The following SLC23A2 variants were observed in gnomAD, a reference collection of about 807,000 sequenced individuals.
SLC23A2 encodes solute carrier family 23 member 2.
In SLC23A2, 36 loss-of-function variants were observed where a neutral mutation model predicts 73.3. The ratio of observed to expected loss-of-function variants is 0.49; its 90% confidence interval spans 0.38 to 0.65. SLC23A2 has a LOEUF of 0.65. Ranked by LOEUF, SLC23A2 falls within the 30% of genes least tolerant of loss-of-function variation. SLC23A2 has a pLI of 0.00. For missense variants in SLC23A2, 507 were observed against 841.6 expected, an observed-to-expected ratio of 0.60 and a Z score of 4.92; for synonymous variants, 343 against 327.3, an observed-to-expected ratio of 1.05 and a Z score of -0.52.
chr20:5,008,789 ACTCCTGGG>A (rs1418465247), intron 1 of SLC23A2, among the ~76,000 whole-genome samples: 1 of 151,556 alleles, frequency 6.6e-6, no homozygotes, highest in African/African-American at 2.4e-5. Flanking sequence ...CTGGTCTCGA[ACTCCTGGG>A]CTCAAGTGAC....
chr20:4,865,973 T>C (rs6038002), intron 13 of SLC23A2, among the ~76,000 whole-genome samples: 75,754 of 151,848 alleles, frequency 0.5, 22,586 homozygotes, highest in African/African-American at 0.84. Flanking sequence ...GCTGGGACTA[T>C]GGGCACCAGC....
intron 3 of SLC23A2, among the ~76,000 whole-genome samples, chr20:4,919,999 G>A (rs1485823749): frequency 2.0e-5 from 3 of 152,172 alleles, no homozygotes; most frequent in African/African-American, 7.2e-5. Flanking sequence ...GGTGGCTCAC[G>A]CCTGTAATCC....
chr20:4,957,620 G>A (rs1310113638), intron 2 of SLC23A2, among the ~76,000 whole-genome samples: 1 of 151,106 alleles, frequency 6.6e-6, no homozygotes, highest in Non-Finnish European at 1.5e-5. Context: ...AACCCAACAG[G>A]CTGAGCGCAG....
intron 3 of SLC23A2, among the ~76,000 whole-genome samples, chr20:4,916,503 T>C (rs1240327703): frequency 6.6e-6 from 1 of 152,168 alleles, no homozygotes; most frequent in Non-Finnish European, 1.5e-5. Flanking sequence ...AAAATATCAC[T>C]GAATTGTTCA....
intron 11 of SLC23A2, 38 bp from the exon 12 acceptor site, chr20:4,870,091 G>A (rs1930382645): frequency 6.5e-7 from 1 of 1,534,004 alleles, no homozygotes; most frequent in African/African-American, 1.4e-5. Context: ...TCCTAGAGAG[G>A]CAGGCGAAAG....
chr20:4,912,064 C>T (rs1163066608), intron 4 of SLC23A2, among the ~76,000 whole-genome samples: 1 of 147,654 alleles, frequency 6.8e-6, no homozygotes, highest in African/African-American at 2.5e-5. Context: ...AGGCTGGTCT[C>T]AAACTCCTGG....
At chr20:4,915,914 C>T (rs574637509) in intron 3 of SLC23A2, among the ~76,000 whole-genome samples, 31 of 152,248 alleles carry the variant, frequency 2.0e-4, no homozygotes, top group African/African-American at 5.5e-4. Flanking sequence ...TGCCACTGTA[C>T]TCCACCCTGG....
chr20:4,861,875 G>C, intron 15 of SLC23A2, 73 bp downstream of exon 15: 1 of 1,532,404 alleles, frequency 6.5e-7, no homozygotes, highest in Non-Finnish European at 8.9e-7. Flanking sequence ...CTCTCCAATG[G>C]GCAAAGAGCT....
intron 15 of SLC23A2, among the ~76,000 whole-genome samples, chr20:4,860,478 T>C (rs1929913758): frequency 6.6e-6 from 1 of 152,216 alleles, no homozygotes; most frequent in Admixed American, 6.5e-5. Flanking sequence ...TTTCTACACA[T>C]AAGGCGGCTA....
intron 9 of SLC23A2, among the ~76,000 whole-genome samples, chr20:4,875,744 A>G (rs972170849): frequency 2.0e-5 from 3 of 152,172 alleles, no homozygotes; most frequent in African/African-American, 7.2e-5. Context: ...CACCGAAACA[A>G]AACTCGTGCC....
upstream of SLC23A2, among the ~76,000 whole-genome samples, chr20:5,002,941 T>C (rs535843516): frequency 6.6e-6 from 1 of 152,290 alleles, no homozygotes; most frequent in South Asian, 2.1e-4. Flanking sequence ...CTTGACAAAA[T>C]GAACCTTCTA....
intron 3 of SLC23A2, among the ~76,000 whole-genome samples, chr20:4,924,829 A>G (rs1176012961): frequency 6.6e-6 from 1 of 152,160 alleles, no homozygotes; most frequent in Non-Finnish European, 1.5e-5. Flanking sequence ...GTGTTTGTCA[A>G]TATCTAACAT....
intron 1 of SLC23A2, among the ~76,000 whole-genome samples, chr20:4,971,953 T>G (rs2087567391): frequency 6.6e-6 from 1 of 152,190 alleles, no homozygotes; most frequent in South Asian, 2.1e-4. Context: ...GGAGGGTGCT[T>G]CTCAAAAAGC....
rs764575805 is a variant in SLC23A2 at position 4,932,456 on chromosome 20, G to A, written c.107C>T (p.Pro36Leu). The change falls in exon 3 of 17, where the codon CCG becomes CTG. Residue 36 changes from proline (P) to leucine (L), a missense_variant and splice_region_variant. Pro to Leu is a moderately conservative substitution (Grantham distance 98). This residue lies in a region of SLC23A2 where 78 missense variants were observed against 86.7 expected (regional missense o/e 0.90). Coordinates refer to ENST00000338244, the MANE Select transcript of SLC23A2 (RefSeq NM_005116.6). ...AAGGAAGATGGGGAATATGATTACC[G>A]GAAGAGTGAAGAAAGCTGGGTGCTT... The part of the protein sequence containing the change: ...EAKHPAFFTL[P>L]VVINGGATSS... 2 of 1,509,210 alleles carry A rather than the reference G, an allele frequency of 1.3e-6. No individual in the cohort carries two copies. The highest frequency in any genetic ancestry group is 1.8e-6 in the Non-Finnish European group (2 of 1,084,138). The allele number at this position is 1,509,210 out of a possible 1,614,324, so 93.5% of individuals were successfully genotyped here. A position where few individuals can be genotyped will look rare whatever the true frequency, so the allele number is the denominator to read the frequency against.
intron 2 of SLC23A2, among the ~76,000 whole-genome samples, chr20:4,957,394 C>T (rs989272491): frequency 2.0e-5 from 3 of 151,262 alleles, no homozygotes; most frequent in African/African-American, 7.3e-5. Context: ...CCTAGGAGTT[C>T]AACGTTCAGT....
upstream of SLC23A2, among the ~76,000 whole-genome samples, chr20:5,005,838 T>C (rs2088184798): frequency 6.6e-6 from 1 of 151,878 alleles, no homozygotes; most frequent in Non-Finnish European, 1.5e-5. Flanking sequence ...AATACAAAAT[T>C]AGCCGGGCAT....
At chr20:4,942,910 G>A (rs778294984) in intron 2 of SLC23A2, among the ~76,000 whole-genome samples, 47 of 152,054 alleles carry the variant, frequency 3.1e-4, no homozygotes, top group Non-Finnish European at 5.1e-4. Context: ...TCTGCCCAAA[G>A]AGTAGAATCC....
At chr20:5,008,731 C>T (rs753570612) in intron 1 of SLC23A2, among the ~76,000 whole-genome samples, 7 of 151,986 alleles carry the variant, frequency 4.6e-5, no homozygotes, top group Non-Finnish European at 8.8e-5. Context: ...TATTTCAATG[C>T]TGACCTCCCT....
At chr20:4,993,479 GTA>G (rs145939757) in intron 1 of SLC23A2, among the ~76,000 whole-genome samples, 20 of 149,322 alleles carry the variant, frequency 1.3e-4, no homozygotes, top group African/African-American at 4.4e-4. Flanking sequence ...TTCGGAGAAG[GTA>G]TATTCAACCT....
Sources: allele counts gnomAD v4.1 joint callset (sites outside exome capture counted in the v4.1 genomes callset), GRCh38; gene constraint gnomAD v4.1.1; regional missense constraint gnomAD v4.1.1; transcripts MANE v1.5; gene names NCBI Gene and HGNC (gene_info 2026-07-23, HGNC 2026-07-21).